The following SMAD1 variants were observed in gnomAD, a reference collection of about 807,000 sequenced individuals.
The protein encoded by SMAD1 is SMAD family member 1.
In SMAD1, 6 loss-of-function variants were observed where a neutral mutation model predicts 41.6. The observed-to-expected ratio is 0.14, with a 90% confidence interval of 0.08 to 0.28. The LOEUF (loss-of-function observed/expected upper bound fraction) is 0.28. SMAD1 is among the 10% of genes least tolerant of loss of function. The pLI, the probability that SMAD1 is intolerant of heterozygous loss-of-function variation, is 1.00. For synonymous variants in SMAD1, 206 were observed against 203.2 expected (o/e 1.01, Z -0.12); for missense variants, 379 against 582.6 (o/e 0.65, Z 3.60).
intron 4 of SMAD1, among the ~76,000 whole-genome samples, chr4:145,542,999 A>G (rs1732040651): frequency 6.6e-6 from 1 of 150,720 alleles, no homozygotes; most frequent in African/African-American, 2.4e-5. Context: ...TTTGAGACGG[A>G]GTTTTGCTCT....
intron 4 of SMAD1, chr4:145,545,052 C>A (rs778154005): frequency 4.0e-5 from 6 of 151,714 alleles, no homozygotes; most frequent in Non-Finnish European, 7.4e-5. Flanking sequence ...TTCTTCCCCC[C>A]GCTTTTTTTT....
chr4:145,548,142 A>G (rs779075110), intron 5 of SMAD1, among the ~76,000 whole-genome samples: 3 of 152,190 alleles, frequency 2.0e-5, no homozygotes, highest in Non-Finnish European at 4.4e-5. Context: ...AGGGCCTTCC[A>G]CTGGCCAACT....
rs371393906 is a variant in SMAD1 at position 145,539,815 on chromosome 4, G to C, written c.412G>C (p.Val138Leu). 3 of 1,613,328 alleles carry C rather than the reference G, an allele frequency of 1.9e-6. No homozygotes were observed. The highest frequency in any genetic ancestry group is 2.2e-5 in the South Asian group (2 of 91,026). The change falls in exon 3 of 7, where the codon GTG (valine) becomes CTG (leucine). Residue 138 changes from valine to leucine, a missense_variant. Around this residue, in one of 3 missense-constraint regions of SMAD1, gnomAD observed 208 missense variants for 210.5 expected, o/e 0.99. Coordinates refer to ENST00000302085, the MANE Select transcript of SMAD1 (RefSeq NM_005900.3). ...KRVESPVLPP[V>L]LVPRHSEYNP... The stretch of plus-strand genomic sequence containing the variant: ...CTTCCTTTTTCTAGTACTTCCTCCT[G>C]TGCTGGTTCCAAGACACAGCGAATA...
intron 2 of SMAD1, among the ~76,000 whole-genome samples, chr4:145,525,338 A>G (rs1177214057): frequency 6.6e-6 from 1 of 152,208 alleles, no homozygotes; most frequent in African/African-American, 2.4e-5. Context: ...CTCTGCCCTG[A>G]TATTTGGAAA....
intron 1 of SMAD1, among the ~76,000 whole-genome samples, chr4:145,488,240 A>C (rs374796873): frequency 3.9e-5 from 6 of 152,104 alleles, no homozygotes; most frequent in Non-Finnish European, 8.8e-5. Flanking sequence ...TTATGCATGT[A>C]TATGCTTTTG....
At chr4:145,555,010 ATAGT>A (rs1360456618) in intron 6 of SMAD1, among the ~76,000 whole-genome samples, 1 of 152,126 alleles carries the variant, frequency 6.6e-6, no homozygotes, top group Non-Finnish European at 1.5e-5. Context: ...TTTCCTGAAT[ATAGT>A]TACTTTTCCT....
intron 1 of SMAD1, among the ~76,000 whole-genome samples, chr4:145,510,532 T>C (rs1390367978): frequency 3.3e-5 from 5 of 152,298 alleles, no homozygotes; most frequent in Non-Finnish European, 7.4e-5. Flanking sequence ...TTTGGTTCTT[T>C]TCAATAACAA....
chr4:145,551,756 A>G (rs1732567672), intron 5 of SMAD1, among the ~76,000 whole-genome samples: 1 of 152,312 alleles, frequency 6.6e-6, no homozygotes, highest in Admixed American at 6.5e-5. Flanking sequence ...CAAATTCAGT[A>G]CTGGCATGGG....
chr4:145,486,372 A>G (rs6816306), intron 1 of SMAD1, among the ~76,000 whole-genome samples: 18,806 of 152,222 alleles, frequency 0.12, 3,536 homozygotes, highest in African/African-American at 0.41. Context: ...GGAAAGTTGT[A>G]GTAATTCAGT....
intron 1 of SMAD1, chr4:145,502,865 T>C (rs545362572): frequency 6.6e-6 from 1 of 152,318 alleles, no homozygotes; most frequent in East Asian, 1.9e-4. Context: ...ATTCCTAAGA[T>C]TTCTACTCAC....
intron 5 of SMAD1, among the ~76,000 whole-genome samples, 190 bp downstream of exon 5, chr4:145,547,114 G>A (rs932051327): frequency 3.2e-4 from 49 of 151,996 alleles, no homozygotes; most frequent in African/African-American, 4.3e-4. Flanking sequence ...TTTTGTGGTC[G>A]ATCAACTCAT....
At chr4:145,515,472 G>T (rs1387044009) in intron 2 of SMAD1, among the ~76,000 whole-genome samples, 3 of 152,112 alleles carry the variant, frequency 2.0e-5, no homozygotes, top group Non-Finnish European at 4.4e-5. Context: ...GAGGGTAGTT[G>T]CCAGTGACTT....
chr4:145,497,701 G>A (rs902584242), intron 1 of SMAD1: 1 of 152,200 alleles, frequency 6.6e-6, no homozygotes, highest in African/African-American at 2.4e-5. Flanking sequence ...AGACTGTACT[G>A]AACAAGTGAT....
intron 2 of SMAD1, among the ~76,000 whole-genome samples, chr4:145,529,891 TATA>T (rs753411166): frequency 2.3e-4 from 35 of 152,340 alleles, no homozygotes; most frequent in Non-Finnish European, 3.4e-4. Flanking sequence ...TTTGACTTGT[TATA>T]TCTGGGATGA....
intron 2 of SMAD1, among the ~76,000 whole-genome samples, chr4:145,530,552 AT>A (rs558402515): frequency 5.9e-5 from 9 of 152,274 alleles, no homozygotes; most frequent in Admixed American, 5.9e-4. Context: ...TTTTAGGTAA[AT>A]TTAGTGGCTT....
At chr4:145,503,488 C>T (rs1729584529) in intron 1 of SMAD1, among the ~76,000 whole-genome samples, 1 of 151,924 alleles carries the variant, frequency 6.6e-6, no homozygotes, top group African/African-American at 2.4e-5. Flanking sequence ...GAGGTTTTTT[C>T]CTCCCTTATT....
chr4:145,544,922 A>G (rs1732161874), intron 4 of SMAD1: 1 of 152,240 alleles, frequency 6.6e-6, no homozygotes. Context: ...GTCTGATTTC[A>G]GGAAACAGAT....
rs1731815476 is a variant in SMAD1 at position 145,539,814 on chromosome 4, T to C, written c.411T>C (p.Pro137=). 3.1e-6 allele frequency: 5 copies of C among 1,613,988 alleles called. No individual in the cohort carries two copies. In the East Asian group the frequency reaches 6.7e-5, roughly 22 times the overall value. The change falls in exon 3 of 7, where the codon CCT becomes CCC. Residue 137 remains proline, a synonymous_variant. Transcript: ENST00000302085. ...CCTTCCTTTTTCTAGTACTTCCTCC[T>C]GTGCTGGTTCCAAGACACAGCGAAT... ...YKRVESPVLP[P]VLVPRHSEYN...
intron 2 of SMAD1, among the ~76,000 whole-genome samples, chr4:145,532,488 G>A (rs1731371555): frequency 6.6e-6 from 1 of 152,194 alleles, no homozygotes; most frequent in Admixed American, 6.5e-5. Context: ...TTTTACCAGA[G>A]TTAGAGCTCC....
Sources: gnomAD v4.1 joint callset for allele counts (sites outside exome capture counted in the v4.1 genomes callset) on GRCh38, gnomAD v4.1.1 for gene constraint, gnomAD v4.1.1 regional missense constraint, MANE v1.5 for transcripts, NCBI Gene and HGNC (gene_info 2026-07-23, HGNC 2026-07-21) for gene names.